The following TRRAP variants were observed in gnomAD, a reference collection of about 807,000 sequenced individuals.
The protein encoded by TRRAP is transformation/transcription domain-associated protein.
Under a neutral mutation model 438.8 loss-of-function variants are expected in TRRAP, and 41 were observed. The observed-to-expected ratio is 0.09, with a 90% CI of 0.07 to 0.12. The LOEUF is 0.12. TRRAP is among the 10% of genes least tolerant of loss of function. The pLI is 1.00. For missense variants in TRRAP, 3,122 were observed against 5,055.1 expected (o/e 0.62, Z 11.60); for synonymous variants, 1,994 against 1,962.9 (o/e 1.02, Z -0.42).
chr7:98,957,901 T>G, intron 43 of TRRAP, 80 bp from the exon 44 acceptor site: 1 of 1,222,530 alleles, frequency 8.2e-7, no homozygotes, highest in Non-Finnish European at 1.2e-6. Flanking sequence ...CGCATACCCA[T>G]TAGCTGGGTG....
rs55828848 is a variant in TRRAP, at chr7:99,004,392, G to T, written c.10512G>T (p.Thr3504=). 3.1e-6 allele frequency: 5 copies of T among 1,614,058 alleles called. No individual in the cohort carries two copies. The highest frequency in any genetic ancestry group is 4.2e-6 in the Non-Finnish European group (5 of 1,180,012). The part of the protein sequence containing the change: ...IPGEFLMPKP[T]HYYIKIARFM... ...GGGAGTTTCTGATGCCAAAGCCAAC[G>T]CATTATTACATCAAGATTGCACGGT... The change falls in exon 68 of 73, where the codon ACG becomes ACT. Residue 3504 remains threonine, a synonymous_variant. Transcript: ENST00000456197.
intron 3 of TRRAP, among the ~76,000 whole-genome samples, chr7:98,885,081 A>G (rs972371187): frequency 5.9e-5 from 9 of 152,030 alleles, no homozygotes; most frequent in Admixed American, 1.3e-4. Context: ...CTTACAAACT[A>G]CAAAAGGATC....
chr7:98,934,317 T>C (rs1384749677), intron 27 of TRRAP, among the ~76,000 whole-genome samples: 1 of 152,232 alleles, frequency 6.6e-6, no homozygotes, highest in Non-Finnish European at 1.5e-5. Context: ...AATTTCTGAT[T>C]ATGAAAATTT....
At chr7:99,000,527 TC>T (rs1289867165) in intron 67 of TRRAP, among the ~76,000 whole-genome samples, 1 of 152,238 alleles carries the variant, frequency 6.6e-6, no homozygotes, top group African/African-American at 2.4e-5. Context: ...TTTTCATTCT[TC>T]CAGGCCACAC....
At chr7:99,010,947 T>C (rs1794400531) in intron 70 of TRRAP, 105 bp from the exon 71 acceptor site, 4 of 1,167,188 alleles carry the variant, frequency 3.4e-6, no homozygotes, top group Non-Finnish European at 4.9e-6. Context: ...ATTTACAGAA[T>C]TTGCTCTTGG....
chr7:98,897,758 C>A lies in TRRAP; in HGVS notation c.525C>A (p.Asn175Lys). 1 of 1,612,646 alleles carries A rather than the reference C, an allele frequency of 6.2e-7. No homozygotes were observed. The highest frequency in any genetic ancestry group is 1.1e-5 in the South Asian group (1 of 91,014). Reference protein sequence around the residue: ...LPKVVNRYFENPQVIPENTVP... With the variant: ...LPKVVNRYFEKPQVIPENTVP... ...TTATGTAGAACCGCTACTTTGAGAA[C>A]CCTCAAGTGATCCCCGAGAACACAG... The change falls in exon 8 of 73, where the codon AAC becomes AAA. Residue 175 changes from asparagine (N) to lysine (K), a missense_variant. This residue lies in a region of TRRAP where 343 missense variants were observed against 564.0 expected (regional missense o/e 0.61). Transcript: ENST00000456197.
intron 69 of TRRAP, among the ~76,000 whole-genome samples, chr7:99,008,071 A>G (rs1316777911): frequency 2.0e-5 from 3 of 151,902 alleles, no homozygotes; most frequent in African/African-American, 4.8e-5. Context: ...TGATCCGCCC[A>G]CTGTGGCCTC....
chr7:98,976,314 C>T lies in TRRAP; in HGVS notation c.7959+46C>T, dbSNP rs373604110. ...CTGTTTTGGAAAATTGTAGTTTTAGCTTTTGGTAAGTATTCATAAAAGAAC... is the reference window on the plus strand; with the variant it reads ...CTGTTTTGGAAAATTGTAGTTTTAGTTTTTGGTAAGTATTCATAAAAGAAC... On this transcript the variant is annotated intron_variant, in intron 54 of 72. Coordinates refer to ENST00000456197, the MANE Select transcript of TRRAP (RefSeq NM_001375524.1). The surrounding 1 kb of genome is among the most constrained non-coding windows in gnomAD (Gnocchi z 4.6). 2.5e-6 allele frequency: 4 copies of T among 1,608,448 alleles called. No individual in the cohort carries two copies. Among genetic ancestry groups the T allele is most frequent in the African/African-American group, 1.3e-5 (1 of 74,868 alleles).
In TRRAP at chr7:98,978,278, C is replaced by T. The variant is rs767932205; in HGVS notation, c.8453C>T (p.Pro2818Leu). The T allele has an allele frequency of 2.3e-5, 37 of 1,614,174 alleles. 1 individual carries two copies. In the South Asian group the frequency reaches 3.7e-4, roughly 16 times the overall value. Residue 2818 changes from proline (P) to leucine (L), a missense_variant, in exon 57 of 73, where the codon CCT becomes CTT. Physicochemically the swap from Pro to Leu is moderately conservative, Grantham distance 98 (BLOSUM62 -3). Around this residue, in one of 24 missense-constraint regions of TRRAP, gnomAD observed 992 missense variants for 1,281.2 expected, o/e 0.77. Coordinates refer to ENST00000456197, the MANE Select transcript of TRRAP (RefSeq NM_001375524.1). Reference sequence around the variant, plus strand: ...GAACATGAGAGGAGTAACGCCTCCCCTGCTATTTTCCCTGAATACCAGCTC... The same window carrying T: ...GAACATGAGAGGAGTAACGCCTCCCTTGCTATTTTCCCTGAATACCAGCTC... ...KKEHERSNAS[P>L]AIFPEYQLWE...
At chr7:98,898,549 C>T (rs1796328763) in intron 8 of TRRAP, among the ~76,000 whole-genome samples, 1 of 152,154 alleles carries the variant, frequency 6.6e-6, no homozygotes, top group African/African-American at 2.4e-5. Flanking sequence ...TAACGCTTTC[C>T]TCCTTTTGTT....
chr7:98,994,970 C>A lies in TRRAP; in HGVS notation c.10309+122C>A. 1 of 1,386,630 alleles carries A rather than the reference C, an allele frequency of 7.2e-7. No individual in the cohort carries two copies. Among genetic ancestry groups the A allele is most frequent in the Non-Finnish European group, 9.8e-7 (1 of 1,022,306 alleles). The allele number at this position is 1,386,630 out of a possible 1,614,324, so 85.9% of individuals were successfully genotyped here. A position where few individuals can be genotyped will look rare whatever the true frequency, so the allele number is the denominator to read the frequency against. On this transcript the variant is annotated intron_variant, in intron 67 of 72. Transcript: ENST00000456197. The surrounding 1 kb of genome is among the most constrained non-coding windows in gnomAD (Gnocchi z 4.8). The stretch of plus-strand genomic sequence containing the variant: ...ATCACTGCACGGGGCACACTGGTTA[C>A]ACTCTGTTTACAGTGCAGACTTCAG...
chr7:98,931,363 G>A, intron 25 of TRRAP, 42 bp from the exon 26 acceptor site: 2 of 1,597,896 alleles, frequency 1.3e-6, no homozygotes, highest in Admixed American at 1.7e-5. Context: ...TGCAGTGGGT[G>A]GCATCGCCCT....
chr7:98,908,737 C>T lies in TRRAP; in HGVS notation c.1125C>T (p.Ala375=). The part of the protein sequence containing the change: ...YTARETLRPL[A]YSTLADLVHH... ...AGGTCTCTGCCCGCAGGCCCCTCGC[C>T]TACAGCACGCTGGCCGACCTCGTGC... The change falls in exon 14 of 73, where the codon GCC becomes GCT. Residue 375 remains alanine (A), a synonymous_variant. Transcript: ENST00000456197. This position sits in a 1 kb window ranked among gnomAD's most constrained non-coding sequence, Gnocchi z 4.1. The T allele has an allele frequency of 6.4e-7, 1 of 1,551,478 alleles. No homozygotes were observed.
intron 19 of TRRAP, among the ~76,000 whole-genome samples, chr7:98,916,909 G>T (rs1789543185): frequency 6.6e-6 from 1 of 152,114 alleles, no homozygotes; most frequent in South Asian, 2.1e-4. Context: ...TGCAGGACGT[G>T]CCTTTTCTTG....
intron 1 of TRRAP, among the ~76,000 whole-genome samples, chr7:98,879,460 TGGGATG>T (rs149675556): frequency 2.6e-3 from 380 of 147,620 alleles, no homozygotes; most frequent in African/African-American, 9.3e-3. Flanking sequence ...TTGGGTACCC[TGGGATG>T]GGGATGGGCA....
In TRRAP at chr7:99,008,459, G is replaced by T. The variant is rs369775759; in HGVS notation, c.10836G>T (p.Lys3612Asn). 13 of 1,614,084 alleles carry T rather than the reference G, an allele frequency of 8.1e-6. No homozygotes were observed. Among genetic ancestry groups the T allele is most frequent in the African/African-American group, 2.7e-5 (2 of 74,942 alleles). Reference protein sequence around the residue: ...PSSLSLVEIYKQRCAKKGIEH... With the variant: ...PSSLSLVEIYNQRCAKKGIEH... ...CACTTTCCCTTGTGGAGATCTACAA[G>T]CAGCGCTGCGCCAAGAAGGGCATCG... The change falls in exon 70 of 73, where the codon AAG (lysine) becomes AAT (asparagine). Residue 3612 changes from lysine (K) to asparagine (N), a missense_variant. This residue lies in a region of TRRAP where 38 missense variants were observed against 32.1 expected (regional missense o/e 1.18). Transcript: ENST00000456197.
At chr7:98,879,217 G>T (rs984823444) in intron 1 of TRRAP, among the ~76,000 whole-genome samples, 8 of 152,116 alleles carry the variant, frequency 5.3e-5, no homozygotes, top group Admixed American at 1.3e-4. Flanking sequence ...GGCCTTCGGC[G>T]TCCGGGGTGG....
intron 67 of TRRAP, among the ~76,000 whole-genome samples, chr7:98,996,252 G>A (rs1158566696): frequency 3.3e-5 from 5 of 151,992 alleles, no homozygotes; most frequent in African/African-American, 9.7e-5. Context: ...CACATCCACC[G>A]CGGTGCGCAC....
At chr7:98,886,473 GAGATAGATATAGATATCT>G (rs1795717514) in intron 3 of TRRAP, among the ~76,000 whole-genome samples, 1 of 152,052 alleles carries the variant, frequency 6.6e-6, no homozygotes. Context: ...TAGAGAGATA[GAGATAGATATAGATATCT>G]AGAGAGATAT....
Sources: allele counts gnomAD v4.1 joint callset (sites outside exome capture counted in the v4.1 genomes callset), GRCh38; gene constraint gnomAD v4.1.1; regional missense constraint gnomAD v4.1.1; non-coding constraint Gnocchi (gnomAD v3.1); transcripts MANE v1.5; gene names NCBI Gene and HGNC (gene_info 2026-07-23, HGNC 2026-07-21).